The following HS3ST4 variants were observed in gnomAD, a reference collection of about 807,000 sequenced individuals.
HS3ST4 encodes the protein heparan sulfate-glucosamine 3-sulfotransferase 4.
In HS3ST4, 17 loss-of-function variants were observed where a neutral mutation model predicts 29.2. That is an observed-to-expected ratio of 0.58 (90% CI 0.40 to 0.87). The LOEUF (loss-of-function observed/expected upper bound fraction) is 0.87, where lower values mean the gene tolerates loss of function less well. Ranked by LOEUF, HS3ST4 falls within the 40% of genes least tolerant of loss-of-function variation. The pLI is 0.00. For synonymous variants in HS3ST4, 314 were observed against 285.7 expected (o/e 1.10, Z -1.00); for missense variants, 627 against 634.5 (o/e 0.99, Z 0.13).
chr16:25,848,642 C>T (rs1967489441), intron 1 of HS3ST4, among the ~76,000 whole-genome samples: 1 of 151,918 alleles, frequency 6.6e-6, no homozygotes, highest in Admixed American at 6.6e-5. Flanking sequence ...TATTTGTGCT[C>T]TCTTTATTTC....
intron 1 of HS3ST4, among the ~76,000 whole-genome samples, chr16:26,112,579 A>G (rs1420038767): frequency 6.6e-6 from 1 of 152,064 alleles, no homozygotes; most frequent in Non-Finnish European, 1.5e-5. Context: ...TGAAGATGAT[A>G]AAGAAAATGA....
At chr16:25,715,716 A>T (rs1008303299) in intron 1 of HS3ST4, among the ~76,000 whole-genome samples, 1 of 152,210 alleles carries the variant, frequency 6.6e-6, no homozygotes, top group Non-Finnish European at 1.5e-5. Flanking sequence ...TTAGCTCTGA[A>T]CCAAGATTAA....
intron 1 of HS3ST4, among the ~76,000 whole-genome samples, chr16:25,835,987 TC>T (rs1463626385): frequency 3.3e-5 from 5 of 152,128 alleles, no homozygotes; most frequent in Admixed American, 3.3e-4. Flanking sequence ...CCAAGGGCAT[TC>T]CGGAGGGCTG....
intron 1 of HS3ST4, among the ~76,000 whole-genome samples, chr16:25,925,921 C>T (rs1046395881): frequency 6.6e-6 from 1 of 152,112 alleles, no homozygotes; most frequent in Non-Finnish European, 1.5e-5. Flanking sequence ...CCCTATTAGG[C>T]AAGTTGTACT....
chr16:26,023,295 T>TTA (rs779932116), intron 1 of HS3ST4, among the ~76,000 whole-genome samples: 177 of 150,522 alleles, frequency 1.2e-3, no homozygotes, highest in Admixed American at 3.7e-3. Flanking sequence ...AATATATGTT[T>TTA]TATATATATA....
At chr16:25,721,340 A>T (rs1966493275) in intron 1 of HS3ST4, among the ~76,000 whole-genome samples, 1 of 152,124 alleles carries the variant, frequency 6.6e-6, no homozygotes, top group Non-Finnish European at 1.5e-5. Flanking sequence ...CTTACTTTGA[A>T]TTGAGGATTG....
chr16:25,810,593 G>T (rs936993585), intron 1 of HS3ST4, among the ~76,000 whole-genome samples: 14 of 152,084 alleles, frequency 9.2e-5, no homozygotes, highest in African/African-American at 3.4e-4. Context: ...GTCAGTTTTT[G>T]CTTCATTCTT....
chr16:26,121,376 A>C (rs1899275357), intron 1 of HS3ST4, among the ~76,000 whole-genome samples: 1 of 152,236 alleles, frequency 6.6e-6, no homozygotes, highest in African/African-American at 2.4e-5. Context: ...AGGGTGTTCC[A>C]GGAAAAGTCA....
intron 1 of HS3ST4, among the ~76,000 whole-genome samples, chr16:26,027,350 T>G (rs1356048640): frequency 2.0e-5 from 3 of 152,216 alleles, no homozygotes; most frequent in African/African-American, 7.2e-5. Flanking sequence ...CCCAGGGAAC[T>G]ACTTACATTC....
intron 1 of HS3ST4, among the ~76,000 whole-genome samples, chr16:26,130,679 A>T (rs1899405484): frequency 1.3e-5 from 2 of 151,908 alleles, no homozygotes; most frequent in Admixed American, 6.6e-5. Context: ...ATAAAACACA[A>T]TTTTTTTTGC....
At chr16:25,820,010 CA>C (rs142336784) in intron 1 of HS3ST4, among the ~76,000 whole-genome samples, 153 of 46,860 alleles carry the variant, frequency 3.3e-3, no homozygotes, top group Non-Finnish European at 3.6e-3. Flanking sequence ...TACTCTGTCT[CA>C]AAAAAAAAAA....
At chr16:25,907,480 A>C (rs575487568) in intron 1 of HS3ST4, among the ~76,000 whole-genome samples, 3 of 152,170 alleles carry the variant, frequency 2.0e-5, no homozygotes, top group East Asian at 3.9e-4. Context: ...TTTTGTCTCT[A>C]TCTATTTCTA....
chr16:25,869,488 C>T (rs1211295184), intron 1 of HS3ST4, among the ~76,000 whole-genome samples: 3 of 151,750 alleles, frequency 2.0e-5, no homozygotes, highest in Admixed American at 6.6e-5. Flanking sequence ...GATTTTTTTT[C>T]GAATGCAAAC....
chr16:25,916,376 T>C (rs1968292429), intron 1 of HS3ST4, among the ~76,000 whole-genome samples: 1 of 152,180 alleles, frequency 6.6e-6, no homozygotes, highest in African/African-American at 2.4e-5. Context: ...GCATTTTTTT[T>C]TTTGAGACAG....
intron 1 of HS3ST4, among the ~76,000 whole-genome samples, chr16:25,914,927 A>G (rs908391653): frequency 3.9e-5 from 6 of 152,122 alleles, no homozygotes; most frequent in African/African-American, 1.4e-4. Flanking sequence ...AATTAAAAAA[A>G]AAAGACACTC....
intron 1 of HS3ST4, among the ~76,000 whole-genome samples, chr16:25,759,789 A>T (rs1482137688): frequency 2.0e-5 from 3 of 151,946 alleles, no homozygotes; most frequent in Admixed American, 2.0e-4. Context: ...TTAACCAGAC[A>T]TGATGGTGGG....
chr16:25,701,304 A>G lies in HS3ST4; in HGVS notation c.734+8153A>G, dbSNP rs1394031691. 5.3e-5 allele frequency among the ~76,000 whole-genome samples: 8 copies of G among 152,208 alleles called. No homozygotes were observed. In the East Asian group the frequency reaches 1.3e-3, roughly 26 times the overall value. On this transcript the variant is annotated intron_variant, in intron 1 of 1. Transcript: ENST00000331351. Reference sequence around the variant, plus strand: ...AGGTTGGGTCCTGTGCCCCATTCCTAAAGCAATAATTGTGTGGGATTCTAA... The same window carrying G: ...AGGTTGGGTCCTGTGCCCCATTCCTGAAGCAATAATTGTGTGGGATTCTAA...
intron 1 of HS3ST4, among the ~76,000 whole-genome samples, chr16:26,059,244 G>T (rs1294386624): frequency 6.6e-6 from 1 of 151,808 alleles, no homozygotes; most frequent in African/African-American, 2.4e-5. Context: ...CTGTATTTGG[G>T]CTGTTTTTTC....
chr16:25,787,505 G>A (rs1966859399), intron 1 of HS3ST4, among the ~76,000 whole-genome samples: 1 of 152,188 alleles, frequency 6.6e-6, no homozygotes, highest in Admixed American at 6.5e-5. Context: ...CCCTTGTAGG[G>A]ATTTGAGTTT....
Sources: allele counts gnomAD v4.1 joint callset (sites outside exome capture counted in the v4.1 genomes callset), GRCh38; gene constraint gnomAD v4.1.1; transcripts MANE v1.5; gene names NCBI Gene and HGNC (gene_info 2026-07-23, HGNC 2026-07-21).